FAM53A: variants seen among roughly 807,000 people sequenced by gnomAD.
FAM53A encodes the protein family with sequence similarity 53 member A.
FAM53A carries 28 observed loss-of-function variants against 26.6 expected under a neutral mutation model. The observed-to-expected ratio is 1.05, with a 90% CI of 0.78 to 1.45. FAM53A has a LOEUF of 1.45. Among genes scored for constraint, FAM53A ranks in the 40% most tolerant of loss-of-function variants. The pLI is 0.00. For synonymous variants in FAM53A, 290 were observed against 253.1 expected, an observed-to-expected ratio of 1.15 and a Z score of -1.38; for missense variants, 650 against 575.8, an observed-to-expected ratio of 1.13 and a Z score of -1.32.
chr4:1,668,974 A>G (rs1714442698), intron 1 of FAM53A, 69 bp from the exon 2 acceptor site: 3 of 518,180 alleles, frequency 5.8e-6, no homozygotes, highest in Non-Finnish European at 6.8e-6. Context: ...TTTCTGCTAC[A>G]TGTTGGGTCC....
chr4:1,638,402 C>T (rs1204906636), downstream of FAM53A, among the ~76,000 whole-genome samples: 4 of 152,104 alleles, frequency 2.6e-5, no homozygotes, highest in African/African-American at 4.8e-5. Flanking sequence ...GCAGAAGAAC[C>T]GGCTGCACTG....
downstream of FAM53A, among the ~76,000 whole-genome samples, chr4:1,614,861 C>T (rs112043958): frequency 3.3e-5 from 5 of 152,296 alleles, no homozygotes; most frequent in African/African-American, 9.6e-5. Flanking sequence ...TCGCCCCACA[C>T]GCATTTCTCC....
the FAM53A span, among the ~76,000 whole-genome samples, chr4:1,599,014 G>A: frequency 6.6e-6 from 1 of 152,238 alleles, no homozygotes; most frequent in African/African-American, 2.4e-5. This position sits in a 1 kb window ranked among gnomAD's most constrained non-coding sequence, Gnocchi z 6.1. Flanking sequence ...GTGCAGCACC[G>A]CGTTCCTTCC....
chr4:1,585,670 G>GC, the FAM53A span, among the ~76,000 whole-genome samples: 4 of 152,120 alleles, frequency 2.6e-5, no homozygotes, highest in Non-Finnish European at 4.4e-5. Flanking sequence ...TCTGTGCCTA[G>GC]CTTATTTTGC....
the FAM53A span, among the ~76,000 whole-genome samples, chr4:1,609,903 C>T: frequency 6.6e-6 from 1 of 152,116 alleles, no homozygotes; most frequent in African/African-American, 2.4e-5. Flanking sequence ...GCAGAGGCTG[C>T]AGTGAGCCGA....
chr4:1,673,901 C>G (rs2109032144), intron 1 of FAM53A, among the ~76,000 whole-genome samples: 1 of 152,360 alleles, frequency 6.6e-6, no homozygotes, highest in East Asian at 1.9e-4. Context: ...CTGCTGGGAG[C>G]CCAGGAGACG....
intron 1 of FAM53A, among the ~76,000 whole-genome samples, chr4:1,682,452 G>A (rs915235967): frequency 1.3e-5 from 2 of 151,788 alleles, no homozygotes; most frequent in African/African-American, 2.4e-5. Context: ...TAGTAGAGAC[G>A]GGGTTTCACC....
At chr4:1,611,939 G>A in the FAM53A span, among the ~76,000 whole-genome samples, 1 of 152,172 alleles carries the variant, frequency 6.6e-6, no homozygotes, top group Admixed American at 6.5e-5. Context: ...ATTGACCGGC[G>A]GCATTGATCC....
At chr4:1,587,690 T>A in the FAM53A span, among the ~76,000 whole-genome samples, 1 of 151,976 alleles carries the variant, frequency 6.6e-6, no homozygotes, top group Admixed American at 6.6e-5. Flanking sequence ...AAAAACCTCC[T>A]CCCTTTCCAA....
the FAM53A span, among the ~76,000 whole-genome samples, chr4:1,611,112 C>T: frequency 6.6e-6 from 1 of 152,224 alleles, no homozygotes; most frequent in African/African-American, 2.4e-5. Context: ...CTCTGGGCCA[C>T]CCTGAGGTGC....
the FAM53A span, among the ~76,000 whole-genome samples, chr4:1,605,929 C>T: frequency 6.6e-6 from 1 of 152,208 alleles, no homozygotes; most frequent in Non-Finnish European, 1.5e-5. This position sits in a 1 kb window ranked among gnomAD's most constrained non-coding sequence, Gnocchi z 5.7. Flanking sequence ...TCCTCTTTAG[C>T]CCAAACTGGA....
the FAM53A span, among the ~76,000 whole-genome samples, chr4:1,582,082 A>C: frequency 6.6e-6 from 1 of 152,224 alleles, no homozygotes; most frequent in African/African-American, 2.4e-5. Context: ...TCAGCCACAC[A>C]GAGCTCCTTG....
At chr4:1,638,148 G>A (rs73795187), downstream of FAM53A, among the ~76,000 whole-genome samples, 9,805 of 152,044 alleles carry the variant, frequency 0.064, 878 homozygotes, top group African/African-American at 0.2. Context: ...GCCTCAGGCA[G>A]GTGACCCTGC....
At chr4:1,613,954 T>C (rs548565822), downstream of FAM53A, among the ~76,000 whole-genome samples, 5 of 152,314 alleles carry the variant, frequency 3.3e-5, no homozygotes, top group South Asian at 4.2e-4. Flanking sequence ...CTTCAGAAAC[T>C]GATACGAAAA....
At chr4:1,650,349 G>A (rs185147495) in intron 4 of FAM53A, among the ~76,000 whole-genome samples, 33 of 134,686 alleles carry the variant, frequency 2.5e-4, no homozygotes, top group Admixed American at 1.4e-3. Flanking sequence ...TGGCACAGGC[G>A]TGGTGTTTGA....
chr4:1,596,746 C>T, the FAM53A span, among the ~76,000 whole-genome samples: 2 of 152,162 alleles, frequency 1.3e-5, no homozygotes, highest in Non-Finnish European at 2.9e-5. Context: ...GTACTTCTCC[C>T]ATGAAACTTC....
chr4:1,682,025 AC>A (rs779706088), intron 1 of FAM53A, among the ~76,000 whole-genome samples: 11 of 152,116 alleles, frequency 7.2e-5, no homozygotes, highest in Non-Finnish European at 1.3e-4. Context: ...TGGACAAGTA[AC>A]CGCCTCTCCA....
At chr4:1,650,461 G>A (rs992724620) in intron 4 of FAM53A, among the ~76,000 whole-genome samples, 9 of 152,048 alleles carry the variant, frequency 5.9e-5, no homozygotes, top group African/African-American at 2.2e-4. Flanking sequence ...TGGCACAGGC[G>A]TGGTGGTTTT....
intron 2 of FAM53A, among the ~76,000 whole-genome samples, chr4:1,658,170 C>T (rs968014990): frequency 6.6e-6 from 1 of 151,710 alleles, no homozygotes; most frequent in African/African-American, 2.4e-5. Flanking sequence ...GCCACCACGC[C>T]CAGCTAATTT....
Sources: allele counts gnomAD v4.1 joint callset (sites outside exome capture counted in the v4.1 genomes callset), GRCh38; gene constraint gnomAD v4.1.1; non-coding constraint Gnocchi (gnomAD v3.1); transcripts MANE v1.5; gene names NCBI Gene and HGNC (gene_info 2026-07-23, HGNC 2026-07-21).